PALS2: variants seen among roughly 807,000 people sequenced by gnomAD.
PALS2 encodes protein associated with LIN7 2, MAGUK p55 family member.
Under a neutral mutation model 61.6 loss-of-function variants are expected in PALS2, and 27 were observed. The observed-to-expected ratio is 0.44, with a 90% confidence interval of 0.32 to 0.60. The LOEUF is 0.60. PALS2 is among the 20% of genes least tolerant of loss of function. The pLI is 0.05. For synonymous variants in PALS2, 236 were observed against 218.6 expected, an observed-to-expected ratio of 1.08 and a Z score of -0.70; for missense variants, 554 against 639.4, an observed-to-expected ratio of 0.87 and a Z score of 1.44.
At chr7:24,608,562 G>GT (rs1784006740) in intron 1 of PALS2, among the ~76,000 whole-genome samples, 1 of 152,074 alleles carries the variant, frequency 6.6e-6, no homozygotes, top group Non-Finnish European at 1.5e-5. Context: ...TGGATTAGCA[G>GT]TTTCAACTTT....
At chr7:24,609,705 CT>C (rs1224241094) in intron 1 of PALS2, among the ~76,000 whole-genome samples, 1 of 151,932 alleles carries the variant, frequency 6.6e-6, no homozygotes, top group East Asian at 1.9e-4. Context: ...CCTCTACTCT[CT>C]TTTTTTTCAG....
chr7:24,651,845 A>G (rs1488063759), intron 5 of PALS2, among the ~76,000 whole-genome samples: 6 of 152,204 alleles, frequency 3.9e-5, no homozygotes, highest in Non-Finnish European at 5.9e-5. Flanking sequence ...ACATTTCCAT[A>G]CAGTTATTTG....
At chr7:24,624,506 C>T (rs1441470161) in intron 2 of PALS2, among the ~76,000 whole-genome samples, 1 of 150,800 alleles carries the variant, frequency 6.6e-6, no homozygotes, top group Non-Finnish European at 1.5e-5. Flanking sequence ...TGATTTTTTT[C>T]TTAGCCAAAG....
chr7:24,609,030 T>C (rs914206932), intron 1 of PALS2, among the ~76,000 whole-genome samples: 1 of 152,182 alleles, frequency 6.6e-6, no homozygotes, highest in African/African-American at 2.4e-5. Flanking sequence ...TTCTCACATA[T>C]CTCTCAGAAT....
intron 2 of PALS2, among the ~76,000 whole-genome samples, chr7:24,635,922 C>T (rs1785213058): frequency 1.3e-5 from 2 of 151,902 alleles, no homozygotes; most frequent in South Asian, 4.1e-4. Context: ...TGAAAAGAAT[C>T]ACTGTAAGGC....
At chr7:24,590,044 C>T (rs955918486) in intron 1 of PALS2, among the ~76,000 whole-genome samples, 1 of 152,042 alleles carries the variant, frequency 6.6e-6, no homozygotes, top group Admixed American at 6.6e-5. Context: ...AGGTGGTATG[C>T]TAATTTTAAA....
In PALS2 at chr7:24,691,573, CTTT is replaced by C. The variant is rs1194986685; in HGVS notation, c.*3964_*3966del. Reference sequence around the variant, plus strand: ...CTCCCATTTCTTTGACATTCTGAAACTTTTTTTAGATTGTTTTAAAACGCTCTG... The same window carrying C: ...CTCCCATTTCTTTGACATTCTGAAACTTTTAGATTGTTTTAAAACGCTCTG... On this transcript the variant is annotated 3_prime_UTR_variant, in exon 12 of 12. Transcript: ENST00000222644. 1 of 151,120 alleles carries C rather than the reference CTTT, an allele frequency of 6.6e-6. No homozygotes were observed. Among genetic ancestry groups the C allele is most frequent in the South Asian group, 2.1e-4 (1 of 4,808 alleles). 9.4% of individuals were successfully genotyped at this position (151,120 alleles called of 1,614,324 possible).
chr7:24,610,946 A>T (rs1784090629), intron 1 of PALS2, among the ~76,000 whole-genome samples: 1 of 152,130 alleles, frequency 6.6e-6, no homozygotes, highest in Non-Finnish European at 1.5e-5. Context: ...GTAATTTTTA[A>T]CATCTTATGA....
chr7:24,597,803 T>C (rs770152067), intron 1 of PALS2, among the ~76,000 whole-genome samples: 11 of 152,174 alleles, frequency 7.2e-5, no homozygotes, highest in Admixed American at 1.3e-4. Flanking sequence ...AAGCTCTTTT[T>C]TTCCTTTTTC....
intron 1 of PALS2, among the ~76,000 whole-genome samples, chr7:24,575,973 A>T (rs900879809): frequency 4.4e-4 from 66 of 151,260 alleles, no homozygotes; most frequent in Non-Finnish European, 7.5e-4. Flanking sequence ...TTTTTTTTTT[A>T]AATCAGAACT....
Position 24,649,644 on chromosome 7 carries a change from A to G in PALS2, c.303A>G (p.Ser101=), listed in dbSNP as rs756821252. 1.1e-5 allele frequency: 17 copies of G among 1,610,560 alleles called. No individual in the cohort carries two copies. In the South Asian group the frequency reaches 1.9e-4, roughly 18 times the overall value. Reference sequence around the variant, plus strand: ...TGGAGGCCCATGATATTGTGGCATCAAAGTGTTATGATTCACCTCCATCAA... The same window carrying G: ...TGGAGGCCCATGATATTGTGGCATCGAAGTGTTATGATTCACCTCCATCAA... ...SLLEAHDIVA[S]KCYDSPPSSP... is the part of the protein sequence containing the mutation. Residue 101 remains serine, a synonymous_variant, in exon 4 of 12, where the codon TCA becomes TCG. Transcript: ENST00000222644.
intron 2 of PALS2, among the ~76,000 whole-genome samples, chr7:24,640,739 T>A (rs951645782): frequency 6.6e-6 from 1 of 152,096 alleles, no homozygotes; most frequent in African/African-American, 2.4e-5. Flanking sequence ...CCGAGGGCGG[T>A]GGCTCATGCC....
In PALS2 at chr7:24,693,049, G is replaced by A. The variant is rs754739054; in HGVS notation, c.*5435G>A. 6.6e-6 allele frequency: 1 copy of A among 152,086 alleles called. No individual in the cohort carries two copies. Among genetic ancestry groups the A allele is most frequent in the East Asian group, 1.9e-4 (1 of 5,198 alleles). 9.4% of individuals were successfully genotyped at this position (152,086 alleles called of 1,614,324 possible). ...TGACTTATCTCCACATACAAAAGTC[G>A]ATCAGAAGGGATAGTTCTCTTCCTT... On this transcript the variant is annotated 3_prime_UTR_variant, in exon 12 of 12. Coordinates refer to ENST00000222644, the MANE Select transcript of PALS2 (RefSeq NM_001303037.2).
intron 1 of PALS2, among the ~76,000 whole-genome samples, chr7:24,617,653 T>G (rs1784340124): frequency 6.6e-6 from 1 of 152,222 alleles, no homozygotes; most frequent in Non-Finnish European, 1.5e-5. Context: ...TGTAAGTGTT[T>G]CAGTGGCCTA....
At chr7:24,650,836 G>T in intron 5 of PALS2, 124 bp downstream of exon 5, 1 of 682,216 alleles carries the variant, frequency 1.5e-6, no homozygotes. Context: ...TGAGTGTTCT[G>T]AAATGGCTTA....
chr7:24,616,636 T>C (rs985149976), intron 1 of PALS2, among the ~76,000 whole-genome samples: 2 of 152,226 alleles, frequency 1.3e-5, no homozygotes, highest in Non-Finnish European at 2.9e-5. Flanking sequence ...TATTTTTTAA[T>C]TGGGGAATCC....
chr7:24,641,906 A>G, intron 3 of PALS2, 38 bp downstream of exon 3: 1 of 1,584,406 alleles, frequency 6.3e-7, no homozygotes, highest in Non-Finnish European at 8.6e-7. Flanking sequence ...AGTTCCCTGT[A>G]TTCCCAAAGT....
chr7:24,602,197 C>A (rs1016572059), intron 1 of PALS2, among the ~76,000 whole-genome samples: 3 of 151,878 alleles, frequency 2.0e-5, no homozygotes, highest in African/African-American at 7.3e-5. Flanking sequence ...TTTCTAAGAG[C>A]TCTTTTGTTT....
chr7:24,682,347 G>A (rs749653853), intron 11 of PALS2, among the ~76,000 whole-genome samples: 11 of 152,096 alleles, frequency 7.2e-5, no homozygotes, highest in Admixed American at 6.6e-5. Flanking sequence ...TACTTCAGCC[G>A]AATGCTGGAA....
Sources: allele counts gnomAD v4.1 joint callset (sites outside exome capture counted in the v4.1 genomes callset), GRCh38; gene constraint gnomAD v4.1.1; transcripts MANE v1.5; gene names NCBI Gene and HGNC (gene_info 2026-07-23, HGNC 2026-07-21).